The following ANKRD55 variants were observed in gnomAD, a reference collection of about 807,000 sequenced individuals.
ANKRD55 encodes the protein ankyrin repeat domain 55.
In ANKRD55, 41 loss-of-function variants were observed where a neutral mutation model predicts 60.6. The ratio of observed to expected loss-of-function variants is 0.68; its 90% CI spans 0.53 to 0.88. The LOEUF is 0.88. Among genes scored for constraint, ANKRD55 ranks in the 40% least tolerant of loss-of-function variants. The pLI, the probability that ANKRD55 is intolerant of heterozygous loss-of-function variation, is 0.00. For synonymous variants in ANKRD55, 264 were observed against 290.3 expected, an observed-to-expected ratio of 0.91 and a Z score of 0.92; for missense variants, 732 against 767.6, an observed-to-expected ratio of 0.95 and a Z score of 0.55.
At chr5:56,119,286 T>C (rs2111698175) in intron 8 of ANKRD55, among the ~76,000 whole-genome samples, 1 of 152,174 alleles carries the variant, frequency 6.6e-6, no homozygotes, top group Non-Finnish European at 1.5e-5. Context: ...CATAGATGAG[T>C]GACAAATGCA....
At position 56,183,498 on chromosome 5, in the gene ANKRD55, C is replaced by G; in HGVS notation, c.181+14G>C. On this transcript the variant is annotated intron_variant, in intron 3 of 11. Coordinates refer to ENST00000341048, the MANE Select transcript of ANKRD55 (RefSeq NM_024669.3). ...AGCAGAACATTCTGGATTCAAAATG[C>G]ATACATATCTCACCTTCACTGTCAC... The G allele has an allele frequency of 1.9e-6, 3 of 1,613,098 alleles. No individual in the cohort carries two copies. In the South Asian group the frequency reaches 3.3e-5, roughly 18 times the overall value.
chr5:56,232,670 A>C (rs555697512), intron 2 of ANKRD55, among the ~76,000 whole-genome samples, 186 bp downstream of exon 2: 1 of 152,126 alleles, frequency 6.6e-6, no homozygotes, highest in South Asian at 2.1e-4. Context: ...GAACATTTTG[A>C]ACAGGTTTGT....
At chr5:56,145,618 T>C (rs961722652) in intron 6 of ANKRD55, among the ~76,000 whole-genome samples, 1 of 152,230 alleles carries the variant, frequency 6.6e-6, no homozygotes, top group African/African-American at 2.4e-5. Flanking sequence ...TAGGTGCCAT[T>C]GTACTTCTCA....
At chr5:56,140,860 C>T (rs778510354) in intron 7 of ANKRD55, among the ~76,000 whole-genome samples, 13 of 151,960 alleles carry the variant, frequency 8.6e-5, no homozygotes, top group South Asian at 2.1e-4. Context: ...TTCAGGAGTT[C>T]GAGACCAGTC....
At chr5:56,179,194 T>A (rs976363945) in intron 3 of ANKRD55, among the ~76,000 whole-genome samples, 4 of 152,306 alleles carry the variant, frequency 2.6e-5, no homozygotes, top group African/African-American at 9.6e-5. Context: ...ATAGAGCAAT[T>A]AAAATGTCTG....
chr5:56,198,638 T>C (rs1323635768), intron 2 of ANKRD55, among the ~76,000 whole-genome samples: 1 of 152,094 alleles, frequency 6.6e-6, no homozygotes, highest in Non-Finnish European at 1.5e-5. Context: ...CACTCACCCT[T>C]TTCTCAAAAA....
chr5:56,220,903 T>A (rs1433807534), intron 2 of ANKRD55, among the ~76,000 whole-genome samples: 1 of 152,190 alleles, frequency 6.6e-6, no homozygotes, highest in African/African-American at 2.4e-5. Flanking sequence ...GAAAAAAAGA[T>A]TCTTCTCCCA....
chr5:56,166,778 A>C (rs555517323), intron 5 of ANKRD55, among the ~76,000 whole-genome samples: 3 of 129,444 alleles, frequency 2.3e-5, no homozygotes, highest in Non-Finnish European at 4.8e-5. Context: ...TAGTAAAATT[A>C]AAAAAAATGA....
intron 2 of ANKRD55, among the ~76,000 whole-genome samples, chr5:56,216,973 AAG>A (rs1292649112): frequency 6.6e-6 from 1 of 152,208 alleles, no homozygotes; most frequent in East Asian, 1.9e-4. Context: ...CTATTGGGAG[AAG>A]ATGCCACCTA....
intron 2 of ANKRD55, among the ~76,000 whole-genome samples, chr5:56,212,066 ACACACACACACACACACACACACG>A (rs2111875306): frequency 7.5e-6 from 1 of 133,030 alleles, no homozygotes; most frequent in African/African-American, 3.3e-5. Flanking sequence ...ACACACACAC[ACACACACACACACACACACACACG>A]CGTACCTATA....
intron 7 of ANKRD55, chr5:56,137,458 A>G: frequency 2.5e-6 from 2 of 814,072 alleles, no homozygotes; most frequent in Non-Finnish European, 4.3e-6. Flanking sequence ...CCTAAACCAG[A>G]AGAGGAGATT....
At chr5:56,100,406 G>A in intron 11 of ANKRD55, 102 bp from the exon 12 acceptor site, 1 of 1,431,222 alleles carries the variant, frequency 7.0e-7, no homozygotes, top group Non-Finnish European at 9.7e-7. Flanking sequence ...GCATTTCTAA[G>A]AAGTGTGTCT....
intron 6 of ANKRD55, among the ~76,000 whole-genome samples, chr5:56,155,225 A>G (rs1758163659): frequency 6.6e-6 from 1 of 152,082 alleles, no homozygotes; most frequent in African/African-American, 2.4e-5. Flanking sequence ...TGTCTTAAAA[A>G]AAAAAAAAAA....
intron 7 of ANKRD55, among the ~76,000 whole-genome samples, chr5:56,133,027 A>G (rs550767405): frequency 6.6e-6 from 1 of 152,350 alleles, no homozygotes; most frequent in African/African-American, 2.4e-5. Flanking sequence ...GCAAAACCTG[A>G]TAAAGCTGCA....
intron 3 of ANKRD55, among the ~76,000 whole-genome samples, chr5:56,178,031 A>C (rs531800468): frequency 6.6e-6 from 1 of 152,128 alleles, no homozygotes; most frequent in African/African-American, 2.4e-5. Context: ...TCACGTGTTT[A>C]AAATTTGTCT....
intron 6 of ANKRD55, among the ~76,000 whole-genome samples, chr5:56,146,057 G>A (rs867361652): frequency 7.9e-5 from 12 of 152,190 alleles, no homozygotes; most frequent in South Asian, 4.1e-4. Context: ...TGGATAGCCC[G>A]TTTCCCAGTT....
intron 3 of ANKRD55, among the ~76,000 whole-genome samples, chr5:56,179,361 A>G (rs966264375): frequency 5.9e-5 from 9 of 152,230 alleles, no homozygotes; most frequent in African/African-American, 1.9e-4. Flanking sequence ...TCAAGCACAA[A>G]AACAGAAAAA....
intron 2 of ANKRD55, among the ~76,000 whole-genome samples, chr5:56,229,796 T>C (rs1000360937): frequency 6.6e-6 from 1 of 152,222 alleles, no homozygotes; most frequent in African/African-American, 2.4e-5. Context: ...GGATTGGCCA[T>C]GTGCAGGAAG....
rs539046326 is a variant in ANKRD55, at chr5:56,226,744, T to C, written c.58+6112A>G. Among the ~76,000 whole-genome samples the C allele has an allele frequency of 9.3e-4, 141 of 152,266 alleles. 3 individuals carry two copies. The Middle Eastern group carries it at 0.027, about 29-fold the overall frequency. On this transcript the variant is annotated intron_variant, in intron 2 of 11. Transcript: ENST00000341048. ...CAACAGACACATGAAAAAATGCTCA[T>C]CATCACTGGCCATCAAAGAAATGCA...
Sources: gnomAD v4.1 joint callset for allele counts (sites outside exome capture counted in the v4.1 genomes callset) on GRCh38, gnomAD v4.1.1 for gene constraint, MANE v1.5 for transcripts, NCBI Gene and HGNC (gene_info 2026-07-23, HGNC 2026-07-21) for gene names.